The following TEX36 variants were observed in gnomAD, a reference collection of about 807,000 sequenced individuals.
TEX36 encodes the protein testis expressed 36.
TEX36 carries 12 observed loss-of-function variants against 13.6 expected under a neutral mutation model. The ratio of observed to expected loss-of-function variants is 0.88; its 90% confidence interval spans 0.56 to 1.43. The LOEUF is 1.43. Among genes scored for constraint, TEX36 ranks in the 40% most tolerant of loss-of-function variants. The probability of loss-of-function intolerance (pLI) is 0.00; values close to 1 mark genes in which losing one functional copy is unlikely to be tolerated. For synonymous variants in TEX36, 93 were observed against 83.0 expected (o/e 1.12, Z -0.65); for missense variants, 224 against 228.3 (o/e 0.98, Z 0.12).
chr10:125,660,862 ATT>A (rs137862839), intron 3 of TEX36, among the ~76,000 whole-genome samples, 157 bp downstream of exon 3: 1 of 149,522 alleles, frequency 6.7e-6, no homozygotes, highest in Admixed American at 6.7e-5. Context: ...AGCTTTGAAC[ATT>A]TTTTTTTTAA....
intron 3 of TEX36, 118 bp from the exon 4 acceptor site, chr10:125,656,314 T>C: frequency 1.0e-6 from 1 of 977,656 alleles, no homozygotes; most frequent in Non-Finnish European, 1.4e-6. Context: ...CAGAGTTCAG[T>C]GGCACGATCT....
intron 3 of TEX36, among the ~76,000 whole-genome samples, chr10:125,580,775 C>G (rs981332749): frequency 6.6e-6 from 1 of 152,104 alleles, no homozygotes; most frequent in African/African-American, 2.4e-5. Flanking sequence ...TGACCCATCC[C>G]GGCCCAATCA....
At chr10:125,613,240 CTTTTATTTATTTATTTA>C (rs1846312737) in intron 3 of TEX36, among the ~76,000 whole-genome samples, 1 of 102,140 alleles carries the variant, frequency 9.8e-6, no homozygotes, top group African/African-American at 4.2e-5. Context: ...TTTTTGACAT[CTTTTATTTATTTATTTA>C]TTTATTTATT....
chr10:125,642,550 A>G (rs1846706950), intron 3 of TEX36, among the ~76,000 whole-genome samples: 1 of 152,214 alleles, frequency 6.6e-6, no homozygotes, highest in Admixed American at 6.5e-5. Context: ...ATTTCATTTT[A>G]GTGAACATAA....
At chr10:125,587,759 A>G (rs531388382) in intron 3 of TEX36, among the ~76,000 whole-genome samples, 3 of 150,982 alleles carry the variant, frequency 2.0e-5, no homozygotes, top group South Asian at 4.2e-4. Context: ...CTGGGCTACA[A>G]GGGCGAGCGA....
intron 3 of TEX36, among the ~76,000 whole-genome samples, chr10:125,639,533 A>G (rs1243940421): frequency 6.6e-6 from 1 of 150,912 alleles, no homozygotes; most frequent in Non-Finnish European, 1.5e-5. Flanking sequence ...GGCATGTCTT[A>G]CATTGTGTTC....
At chr10:125,583,460 A>C (rs1845907984) in intron 3 of TEX36, among the ~76,000 whole-genome samples, 1 of 152,324 alleles carries the variant, frequency 6.6e-6, no homozygotes, top group South Asian at 2.1e-4. Context: ...GGAAGAACAA[A>C]AGGTTCTTTT....
intron 3 of TEX36, among the ~76,000 whole-genome samples, chr10:125,584,716 T>A (rs1329087710): frequency 6.6e-6 from 1 of 152,212 alleles, no homozygotes; most frequent in African/African-American, 2.4e-5. Context: ...GGAAAGCCTC[T>A]GTAAGAATGC....
chr10:125,667,123 T>C (rs1214569614), intron 1 of TEX36: 10 of 784,730 alleles, frequency 1.3e-5, no homozygotes, highest in Non-Finnish European at 1.8e-5. Context: ...CTCCTCCTCA[T>C]TCTGGCCTCC....
At chr10:125,588,717 C>T (rs1030795149) in intron 3 of TEX36, among the ~76,000 whole-genome samples, 4 of 152,176 alleles carry the variant, frequency 2.6e-5, no homozygotes, top group Non-Finnish European at 5.9e-5. Flanking sequence ...CGGGTTCAAG[C>T]GATTCTCCTG....
intron 3 of TEX36, among the ~76,000 whole-genome samples, chr10:125,642,943 T>C (rs1362187130): frequency 6.6e-6 from 1 of 152,214 alleles, no homozygotes; most frequent in African/African-American, 2.4e-5. Context: ...TAATGGAAGC[T>C]AGACAGGATC....
chr10:125,625,261 C>T (rs1846473542), intron 3 of TEX36, among the ~76,000 whole-genome samples: 1 of 152,148 alleles, frequency 6.6e-6, no homozygotes, highest in Non-Finnish European at 1.5e-5. Flanking sequence ...ATTCCAGGCC[C>T]AGCACAAAGT....
At chr10:125,588,684 G>A (rs900480500) in intron 3 of TEX36, among the ~76,000 whole-genome samples, 3 of 152,126 alleles carry the variant, frequency 2.0e-5, no homozygotes, top group East Asian at 1.9e-4. Context: ...GCCCAATCTC[G>A]GCTCACTGCA....
chr10:125,672,822 A>C (rs950201566), intron 1 of TEX36, among the ~76,000 whole-genome samples: 1 of 152,184 alleles, frequency 6.6e-6, no homozygotes, highest in Non-Finnish European at 1.5e-5. Context: ...TATTGGGTGC[A>C]TATATATTTA....
intron 3 of TEX36, among the ~76,000 whole-genome samples, chr10:125,634,642 G>C (rs1447178093): frequency 6.6e-6 from 1 of 152,186 alleles, no homozygotes; most frequent in Admixed American, 6.5e-5. Context: ...GTTGCGTGCT[G>C]CAACTTTGTA....
chr10:125,635,746 G>A (rs1846616095), intron 3 of TEX36, among the ~76,000 whole-genome samples: 1 of 152,134 alleles, frequency 6.6e-6, no homozygotes, highest in South Asian at 2.1e-4. Flanking sequence ...TCCAGCCAGT[G>A]CCCAGTTAAT....
At chr10:125,628,630 T>C (rs1846516339) in intron 3 of TEX36, among the ~76,000 whole-genome samples, 2 of 152,256 alleles carry the variant, frequency 1.3e-5, no homozygotes, top group Admixed American at 1.3e-4. Context: ...AGGAATCTTT[T>C]AGAAGTGCTT....
intron 3 of TEX36, among the ~76,000 whole-genome samples, chr10:125,644,273 A>C (rs1357777471): frequency 6.6e-6 from 1 of 152,252 alleles, no homozygotes; most frequent in Non-Finnish European, 1.5e-5. Context: ...CAAATAGATA[A>C]GTAGACAAAA....
intron 3 of TEX36, among the ~76,000 whole-genome samples, chr10:125,615,666 G>T (rs1202167126): frequency 6.7e-6 from 1 of 150,310 alleles, no homozygotes; most frequent in Non-Finnish European, 1.5e-5. Flanking sequence ...TTTTTGATGT[G>T]CTGCTGGATT....
Sources: gnomAD v4.1 joint callset for allele counts (sites outside exome capture counted in the v4.1 genomes callset) on GRCh38, gnomAD v4.1.1 for gene constraint, MANE v1.5 for transcripts, NCBI Gene and HGNC (gene_info 2026-07-23, HGNC 2026-07-21) for gene names.